The following CTNNBIP1 variants were observed in gnomAD, a reference collection of about 807,000 sequenced individuals.
The protein encoded by CTNNBIP1 is catenin beta interacting protein 1.
In CTNNBIP1, 7 loss-of-function variants were observed where a neutral mutation model predicts 11.8. The ratio of observed to expected loss-of-function variants is 0.60; its 90% CI spans 0.34 to 1.12. The LOEUF is 1.12. Among genes scored for constraint, CTNNBIP1 ranks in the 50% most tolerant of loss-of-function variants. CTNNBIP1 has a pLI of 0.03. For missense variants in CTNNBIP1, 101 were observed against 113.4 expected (o/e 0.89, Z 0.50); for synonymous variants, 58 against 43.9 (o/e 1.32, Z -1.26).
rs181450228 is a variant in CTNNBIP1 at position 9,894,943 on chromosome 1, T to C, written c.-143-11205A>G. ...TTTTTTTTGAGACAGAGTCTCACTC[T>C]GTCCCTCAGGCTGGAGTGCAGTGGT... On this transcript the variant is annotated intron_variant, in intron 1 of 5. Coordinates refer to ENST00000377263, the MANE Select transcript of CTNNBIP1 (RefSeq NM_020248.3). Among the ~76,000 whole-genome samples, 864 of 142,346 alleles carry C rather than the reference T, an allele frequency of 6.1e-3. 3 individuals carry two copies. Among genetic ancestry groups the C allele is most frequent in the Non-Finnish European group, 1.0e-2 (669 of 66,956 alleles). 93.4% of individuals were successfully genotyped at this position (142,346 alleles called of 152,430 possible).
At chr1:9,857,698 G>A (rs1296933946) in intron 5 of CTNNBIP1, among the ~76,000 whole-genome samples, 1 of 152,146 alleles carries the variant, frequency 6.6e-6, no homozygotes, top group Non-Finnish European at 1.5e-5. Flanking sequence ...CTACTGGGGA[G>A]GCTGAGGCAA....
chr1:9,878,760 C>A (rs1639022327), intron 2 of CTNNBIP1, among the ~76,000 whole-genome samples: 1 of 152,178 alleles, frequency 6.6e-6, no homozygotes, highest in Non-Finnish European at 1.5e-5. Context: ...CCTTGCCCAC[C>A]CGCTCCAGCT....
At chr1:9,899,060 T>C (rs1030352953) in intron 1 of CTNNBIP1, among the ~76,000 whole-genome samples, 26 of 152,310 alleles carry the variant, frequency 1.7e-4, no homozygotes, top group Middle Eastern at 3.4e-3. Context: ...CAGTGATTCA[T>C]GAGAATTTTT....
intron 5 of CTNNBIP1, among the ~76,000 whole-genome samples, chr1:9,862,657 A>G (rs1266244026): frequency 2.6e-5 from 4 of 152,158 alleles, no homozygotes; most frequent in African/African-American, 9.7e-5. Context: ...ATCCTGTAGC[A>G]TCCTTCCCAC....
At chr1:9,864,270 C>T (rs1638694591) in intron 5 of CTNNBIP1, among the ~76,000 whole-genome samples, 1 of 152,214 alleles carries the variant, frequency 6.6e-6, no homozygotes, top group African/African-American at 2.4e-5. Flanking sequence ...CAAGGAGCTT[C>T]CTTGACAAAA....
chr1:9,871,958 C>T lies in CTNNBIP1; in HGVS notation c.96+11G>A, dbSNP rs373617953. On this transcript the variant is annotated intron_variant, in intron 4 of 5. Coordinates refer to ENST00000377263, the MANE Select transcript of CTNNBIP1 (RefSeq NM_020248.3). The surrounding 1 kb of genome is among the most constrained non-coding windows in gnomAD (Gnocchi z 5.2). ...TGGGGGCCCGCTGCCTGACACCCCACAGGCACTCACGTTTGATCCCATCTT... is the reference window on the plus strand; with the variant it reads ...TGGGGGCCCGCTGCCTGACACCCCATAGGCACTCACGTTTGATCCCATCTT... The T allele has an allele frequency of 1.2e-6, 2 of 1,612,996 alleles. No individual in the cohort carries two copies. The highest frequency in any genetic ancestry group is 8.5e-7 in the Non-Finnish European group (1 of 1,178,962).
At chr1:9,893,629 T>G (rs1639350243) in intron 1 of CTNNBIP1, among the ~76,000 whole-genome samples, 1 of 152,228 alleles carries the variant, frequency 6.6e-6, no homozygotes, top group Admixed American at 6.5e-5. Context: ...CAAGGGTCAC[T>G]GGAAGAGGGT....
rs965854948 is a variant in CTNNBIP1 at position 9,851,420 on chromosome 1, G to C, written c.188-644C>G. Among the ~76,000 whole-genome samples, 4 of 151,956 alleles carry C rather than the reference G, an allele frequency of 2.6e-5. No homozygotes were observed. Among genetic ancestry groups the C allele is most frequent in the African/African-American group, 9.7e-5 (4 of 41,350 alleles). ...GAGTCTTGCTCTATCACCCAGGCTG[G>C]AGTATAGTGGCACAATCTCGGCTCA... is the stretch of plus-strand genomic sequence containing the variant. On this transcript the variant is annotated intron_variant, in intron 5 of 5. Coordinates refer to ENST00000377263, the MANE Select transcript of CTNNBIP1 (RefSeq NM_020248.3). The surrounding 1 kb of genome is among the most constrained non-coding windows in gnomAD (Gnocchi z 4.8).
chr1:9,869,865 C>T (rs1557751641), intron 5 of CTNNBIP1, among the ~76,000 whole-genome samples: 1 of 152,190 alleles, frequency 6.6e-6, no homozygotes, highest in Non-Finnish European at 1.5e-5. Flanking sequence ...CCAGATTAGC[C>T]CTGGAAGAGA....
chr1:9,895,923 C>T (rs1162548261), intron 1 of CTNNBIP1, among the ~76,000 whole-genome samples: 1 of 152,164 alleles, frequency 6.6e-6, no homozygotes, highest in Non-Finnish European at 1.5e-5. Context: ...CCACCACGCC[C>T]GACCTTCCCA....
intron 1 of CTNNBIP1, among the ~76,000 whole-genome samples, chr1:9,905,991 G>A (rs1639612894): frequency 6.6e-6 from 1 of 152,176 alleles, no homozygotes; most frequent in Admixed American, 6.5e-5. Context: ...GAGCTTAAAT[G>A]CTGGTGGGAG....
At chr1:9,865,815 T>C (rs1045563507) in intron 5 of CTNNBIP1, among the ~76,000 whole-genome samples, 7 of 152,290 alleles carry the variant, frequency 4.6e-5, no homozygotes, top group Non-Finnish European at 1.5e-5. Flanking sequence ...AAAATGACTA[T>C]GCACAATTCT....
chr1:9,871,647 C>A lies in CTNNBIP1; in HGVS notation c.96+322G>T, dbSNP rs1055743533. On this transcript the variant is annotated intron_variant, in intron 4 of 5. Coordinates refer to ENST00000377263, the MANE Select transcript of CTNNBIP1 (RefSeq NM_020248.3). The surrounding 1 kb of genome is among the most constrained non-coding windows in gnomAD (Gnocchi z 5.2). ...GCTGCCCCCTCAGCTCCTGTCCTGACAAGTTGTCCCTGAGCTGCCCCCTGG... is the reference window on the plus strand; with the variant it reads ...GCTGCCCCCTCAGCTCCTGTCCTGAAAAGTTGTCCCTGAGCTGCCCCCTGG... Among the ~76,000 whole-genome samples the A allele has an allele frequency of 1.2e-4, 19 of 152,186 alleles. No homozygotes were observed. The highest frequency in any genetic ancestry group is 9.2e-4 in the Admixed American group (14 of 15,288).
rs1398858681 is a variant in CTNNBIP1, at chr1:9,866,234, G to C, written c.187+4953C>G. 5.3e-5 allele frequency among the ~76,000 whole-genome samples: 8 copies of C among 152,346 alleles called. No homozygotes were observed. In the East Asian group the frequency reaches 1.3e-3, roughly 26 times the overall value. On this transcript the variant is annotated intron_variant, in intron 5 of 5. Coordinates refer to ENST00000377263, the MANE Select transcript of CTNNBIP1 (RefSeq NM_020248.3). ...GTTGCAGGGGGCAGGGGAGTAAGGT[G>C]GGGGTGAAGGCTGGTTCCTGGCGGC...
chr1:9,901,052 C>T (rs1384461670), intron 1 of CTNNBIP1, among the ~76,000 whole-genome samples: 1 of 152,170 alleles, frequency 6.6e-6, no homozygotes, highest in East Asian at 1.9e-4. Context: ...TAAGTGCTAC[C>T]AGTACTAACA....
In CTNNBIP1 at chr1:9,867,509, G is replaced by A. The variant is rs1219206379; in HGVS notation, c.187+3678C>T. ...AAGCATGTGCAGGGCTAAAGGTGGCGGCCAGACCCTCAGGACCAAGGTCGG... is the reference window on the plus strand; with the variant it reads ...AAGCATGTGCAGGGCTAAAGGTGGCAGCCAGACCCTCAGGACCAAGGTCGG... On this transcript the variant is annotated intron_variant, in intron 5 of 5. Coordinates refer to ENST00000377263, the MANE Select transcript of CTNNBIP1 (RefSeq NM_020248.3). This position sits in a 1 kb window ranked among gnomAD's most constrained non-coding sequence, Gnocchi z 4.6. Among the ~76,000 whole-genome samples, 3 of 152,190 alleles carry A rather than the reference G, an allele frequency of 2.0e-5. No individual in the cohort carries two copies. The highest frequency in any genetic ancestry group is 2.1e-4 in the South Asian group (1 of 4,836).
chr1:9,862,829 G>A (rs1199700792), intron 5 of CTNNBIP1, among the ~76,000 whole-genome samples: 1 of 152,230 alleles, frequency 6.6e-6, no homozygotes, highest in Admixed American at 6.5e-5. Flanking sequence ...CTCACGGGCA[G>A]TGCTGAGGGG....
At chr1:9,884,622 A>G (rs376830564) in intron 1 of CTNNBIP1, among the ~76,000 whole-genome samples, 33 of 152,324 alleles carry the variant, frequency 2.2e-4, no homozygotes, top group African/African-American at 7.7e-4. Flanking sequence ...GGAGGATGAG[A>G]AGCATTTGCT....
At chr1:9,908,110 G>C (rs1224571988) in intron 1 of CTNNBIP1, among the ~76,000 whole-genome samples, 1 of 152,236 alleles carries the variant, frequency 6.6e-6, no homozygotes, top group African/African-American at 2.4e-5. Flanking sequence ...CCAGGCTGGA[G>C]TGCAGTGGCG....
Sources: allele counts gnomAD v4.1 joint callset (sites outside exome capture counted in the v4.1 genomes callset), GRCh38; gene constraint gnomAD v4.1.1; non-coding constraint Gnocchi (gnomAD v3.1); transcripts MANE v1.5; gene names NCBI Gene and HGNC (gene_info 2026-07-23, HGNC 2026-07-21).